Variants in STK32B observed in about 807,000 individuals in gnomAD.
The protein encoded by STK32B is serine/threonine-protein kinase 32B.
Under a neutral mutation model 52.6 loss-of-function variants are expected in STK32B, and 43 were observed. The observed-to-expected ratio is 0.82, with a 90% CI of 0.64 to 1.05. The LOEUF is 1.05. STK32B is among the 50% of genes least tolerant of loss of function. The pLI, the probability that STK32B is intolerant of heterozygous loss-of-function variation, is 0.00. For synonymous variants in STK32B, 238 were observed against 204.3 expected, an observed-to-expected ratio of 1.17 and a Z score of -1.41; for missense variants, 621 against 534.6, an observed-to-expected ratio of 1.16 and a Z score of -1.59.
intron 3 of STK32B, among the ~76,000 whole-genome samples, chr4:5,173,904 T>A (rs1223500431): frequency 6.6e-6 from 1 of 152,206 alleles, no homozygotes; most frequent in Non-Finnish European, 1.5e-5. Context: ...GACAGTGGGA[T>A]GTTAAAGTCT....
chr4:5,084,300 G>A (rs767553526), intron 1 of STK32B, among the ~76,000 whole-genome samples: 4 of 152,186 alleles, frequency 2.6e-5, no homozygotes, highest in Non-Finnish European at 5.9e-5. Context: ...TGGCATCTCT[G>A]TGTGTGTTTT....
intron 3 of STK32B, among the ~76,000 whole-genome samples, chr4:5,188,309 A>C (rs1421216950): frequency 1.3e-5 from 2 of 152,206 alleles, no homozygotes; most frequent in Admixed American, 6.5e-5. Context: ...ATTCGCATGT[A>C]ATACATTTTA....
intron 3 of STK32B, among the ~76,000 whole-genome samples, chr4:5,317,013 T>C (rs570347673): frequency 9.4e-5 from 3 of 31,796 alleles, no homozygotes; most frequent in East Asian, 3.2e-3. Context: ...ATAATATATA[T>C]AATATATAAT....
chr4:5,220,235 A>G (rs1233975111), intron 3 of STK32B, among the ~76,000 whole-genome samples: 1 of 152,190 alleles, frequency 6.6e-6, no homozygotes, highest in African/African-American at 2.4e-5. Context: ...CGCTTTACCC[A>G]TTTATCCATC....
Position 5,367,043 on chromosome 4 carries a change from G to A in STK32B, c.435-31164G>A, listed in dbSNP as rs146862065. Among the ~76,000 whole-genome samples the A allele has an allele frequency of 5.0e-4, 76 of 152,202 alleles. 1 individual carries two copies. In the South Asian group the frequency reaches 7.7e-3, roughly 15 times the overall value. On this transcript the variant is annotated intron_variant, in intron 4 of 11. Transcript: ENST00000282908. ...TTTAAACTCACATCTGCCAACTCCAGTGTCCTCCACCTCCCCTTCTCTCCA... is the reference window on the plus strand; with the variant it reads ...TTTAAACTCACATCTGCCAACTCCAATGTCCTCCACCTCCCCTTCTCTCCA...
intron 3 of STK32B, among the ~76,000 whole-genome samples, chr4:5,327,055 C>A (rs1423165776): frequency 6.6e-6 from 1 of 152,070 alleles, no homozygotes; most frequent in African/African-American, 2.4e-5. Flanking sequence ...CTCGTTTCTT[C>A]CTTATCCTTA....
intron 5 of STK32B, among the ~76,000 whole-genome samples, chr4:5,408,665 C>T (rs1008745572): frequency 8.5e-5 from 13 of 152,126 alleles, no homozygotes; most frequent in African/African-American, 2.9e-4. Flanking sequence ...GATTCCAGCT[C>T]GGCCTGGTAA....
At chr4:5,332,152 T>G (rs1470252903) in intron 4 of STK32B, among the ~76,000 whole-genome samples, 1 of 152,120 alleles carries the variant, frequency 6.6e-6, no homozygotes, top group African/African-American at 2.4e-5. Context: ...AGATGACAGA[T>G]TAAGCATATA....
chr4:5,051,549 C>CA lies in STK32B; in HGVS notation c.-314dup. On this transcript the variant is annotated 5_prime_UTR_variant, in exon 1 of 12. Transcript: ENST00000282908. ...CCGCTGTAGCCGGCGAGGAGCGCCG[C>CA]ACGTTGGCCCCGGCGCGAGGAGCTC... 1 of 369,134 alleles carries CA rather than the reference C, an allele frequency of 2.7e-6. No homozygotes were observed. 22.9% of individuals were successfully genotyped at this position (369,134 alleles called of 1,614,324 possible).
chr4:5,362,733 A>C (rs1026944259), intron 4 of STK32B, among the ~76,000 whole-genome samples: 11 of 152,254 alleles, frequency 7.2e-5, no homozygotes, highest in African/African-American at 2.6e-4. Context: ...TACCCAAAGA[A>C]GGCTGGGGTG....
chr4:5,276,668 G>A (rs1208862140), intron 3 of STK32B, among the ~76,000 whole-genome samples: 2 of 151,862 alleles, frequency 1.3e-5, no homozygotes, highest in African/African-American at 4.8e-5. Context: ...CACGTGTTAC[G>A]AACTGCTGCC....
rs534881659 is a variant in STK32B at position 5,398,920 on chromosome 4, A to C, written c.472+676A>C. On this transcript the variant is annotated intron_variant, in intron 5 of 11. Transcript: ENST00000282908. The surrounding 1 kb of genome is among the most constrained non-coding windows in gnomAD (Gnocchi z 4.9). ...AAGGCACCAAGTCAGTGGCTCTCCA[A>C]CTCTGGCCTTACCAGAATTACCTGG... Among the ~76,000 whole-genome samples the C allele has an allele frequency of 3.9e-5, 6 of 152,068 alleles. No homozygotes were observed. The highest frequency in any genetic ancestry group is 7.4e-5 in the Non-Finnish European group (5 of 68,012).
chr4:5,376,754 C>G (rs1442716274), intron 4 of STK32B, among the ~76,000 whole-genome samples: 1 of 152,100 alleles, frequency 6.6e-6, no homozygotes, highest in African/African-American at 2.4e-5. Context: ...TCTCCAATGC[C>G]AAATAGACAG....
chr4:5,145,349 G>A (rs1402380164), intron 2 of STK32B, among the ~76,000 whole-genome samples: 1 of 152,126 alleles, frequency 6.6e-6, no homozygotes, highest in South Asian at 2.1e-4. Context: ...TTTGCCTGTA[G>A]TTTTTCTTTT....
At chr4:5,376,614 G>C (rs1735605663) in intron 4 of STK32B, among the ~76,000 whole-genome samples, 1 of 152,132 alleles carries the variant, frequency 6.6e-6, no homozygotes, top group African/African-American at 2.4e-5. Flanking sequence ...CCTGGAAACT[G>C]TCAGAAATAG....
intron 6 of STK32B, among the ~76,000 whole-genome samples, chr4:5,433,331 C>G (rs1047532069): frequency 1.3e-5 from 2 of 152,102 alleles, no homozygotes; most frequent in Admixed American, 1.3e-4. Context: ...GACTGAGAAC[C>G]CAGGAGAAGG....
intron 3 of STK32B, among the ~76,000 whole-genome samples, chr4:5,321,836 A>T (rs1377190410): frequency 6.6e-6 from 1 of 152,006 alleles, no homozygotes; most frequent in South Asian, 2.1e-4. Context: ...GAGGTGCTGG[A>T]TGGCTTTGAG....
rs141739620 is a variant in STK32B at position 5,498,261 on chromosome 4, C to G, written c.1107-684C>G. 5.1e-3 allele frequency among the ~76,000 whole-genome samples: 781 copies of G among 152,298 alleles called. 8 individuals are homozygous for G. Among genetic ancestry groups the G allele is most frequent in the African/African-American group, 0.018 (743 of 41,560 alleles). ...AGCGAATGAACTTTAACTTGAAGAT[C>G]AGAAACAGAGGGATATTGACATCTT... On this transcript the variant is annotated intron_variant, in intron 11 of 11. Coordinates refer to ENST00000282908, the MANE Select transcript of STK32B (RefSeq NM_018401.3).
chr4:5,098,462 G>A (rs1294742824), intron 1 of STK32B, among the ~76,000 whole-genome samples: 3 of 152,202 alleles, frequency 2.0e-5, no homozygotes, highest in African/African-American at 7.2e-5. Flanking sequence ...TGTCCTAGGA[G>A]TTTCTTCATG....
Sources: allele counts gnomAD v4.1 joint callset (sites outside exome capture counted in the v4.1 genomes callset), GRCh38; gene constraint gnomAD v4.1.1; non-coding constraint Gnocchi (gnomAD v3.1); transcripts MANE v1.5; gene names NCBI Gene and HGNC (gene_info 2026-07-23, HGNC 2026-07-21).